The following ERG variants were observed in gnomAD, a reference collection of about 807,000 sequenced individuals.
ERG encodes the protein ETS transcription factor ERG, also known as transcriptional regulator ERG.
Under a neutral mutation model 55.3 loss-of-function variants are expected in ERG, and 9 were observed. The ratio of observed to expected loss-of-function variants is 0.16; its 90% CI spans 0.10 to 0.28. The LOEUF is 0.28. Ranked by LOEUF, ERG falls within the 10% of genes least tolerant of loss-of-function variation. The pLI is 1.00. For synonymous variants in ERG, 223 were observed against 237.3 expected, an observed-to-expected ratio of 0.94 and a Z score of 0.55; for missense variants, 434 against 631.6, an observed-to-expected ratio of 0.69 and a Z score of 3.35.
chr21:38,575,839 C>A, intron 1 of ERG: 1 of 926,320 alleles, frequency 1.1e-6, no homozygotes, highest in Non-Finnish European at 1.7e-6. Flanking sequence ...TCACCAATGG[C>A]AAAAGAATCA....
intron 2 of ERG, among the ~76,000 whole-genome samples, chr21:38,530,349 T>A (rs1012278955): frequency 2.0e-5 from 3 of 152,178 alleles, no homozygotes; most frequent in African/African-American, 7.2e-5. Flanking sequence ...AGTGAGCCAC[T>A]GCGTCCAGCA....
intron 1 of ERG, among the ~76,000 whole-genome samples, chr21:38,613,784 T>G (rs1253624868): frequency 6.6e-6 from 1 of 152,144 alleles, no homozygotes; most frequent in Non-Finnish European, 1.5e-5. Flanking sequence ...CATGTGCAGT[T>G]AGCTTCCAAA....
intron 1 of ERG, among the ~76,000 whole-genome samples, chr21:38,590,505 T>C (rs1426890830): frequency 6.6e-6 from 1 of 152,246 alleles, no homozygotes; most frequent in Non-Finnish European, 1.5e-5. Context: ...TCACTGATAA[T>C]GTTGTCTTCT....
intron 1 of ERG, among the ~76,000 whole-genome samples, chr21:38,581,066 T>G (rs528606364): frequency 1.3e-5 from 2 of 152,284 alleles, no homozygotes; most frequent in South Asian, 4.1e-4. Flanking sequence ...CCCAAGAAGA[T>G]GAACTCCAGG....
chr21:38,400,287 C>T (rs1355738242), intron 6 of ERG: 3 of 520,486 alleles, frequency 5.8e-6, no homozygotes, highest in African/African-American at 1.9e-5. Flanking sequence ...GTTCAAAAGT[C>T]GGCCTATTCC....
intron 1 of ERG, among the ~76,000 whole-genome samples, chr21:38,451,480 A>G (rs1441769200): frequency 6.6e-6 from 1 of 152,250 alleles, no homozygotes; most frequent in African/African-American, 2.4e-5. Context: ...AAACTAGGAC[A>G]GGTAGGAGTA....
chr21:38,616,487 A>G (rs999688284), intron 1 of ERG, among the ~76,000 whole-genome samples: 2 of 152,132 alleles, frequency 1.3e-5, no homozygotes, highest in African/African-American at 4.8e-5. Flanking sequence ...AATAGATAAG[A>G]GGGACATTAG....
intron 2 of ERG, among the ~76,000 whole-genome samples, chr21:38,508,164 CAGG>C (rs1334743413): frequency 6.6e-6 from 1 of 151,696 alleles, no homozygotes; most frequent in African/African-American, 2.4e-5. Context: ...AGAGACAGAG[CAGG>C]AGGTCATCTG....
chr21:38,528,509 G>A (rs12626829), intron 2 of ERG, among the ~76,000 whole-genome samples: 5,420 of 34,804 alleles, frequency 0.16, 1,367 homozygotes, highest in East Asian at 0.29. Flanking sequence ...GTGCAGTGGC[G>A]GGATCTCGGC....
At chr21:38,586,065 T>C (rs2060062187), upstream of ERG, among the ~76,000 whole-genome samples, 1 of 151,918 alleles carries the variant, frequency 6.6e-6, no homozygotes, top group African/African-American at 2.4e-5. Flanking sequence ...CTTTCCAGTG[T>C]GAAATAGGAG....
At chr21:38,411,913 C>T (rs1288275508) in intron 3 of ERG, among the ~76,000 whole-genome samples, 2 of 152,164 alleles carry the variant, frequency 1.3e-5, no homozygotes, top group Non-Finnish European at 2.9e-5. Flanking sequence ...ATATATTTGT[C>T]ATGAATTTAG....
At chr21:38,615,302 A>C (rs573737820) in intron 1 of ERG, among the ~76,000 whole-genome samples, 2 of 152,294 alleles carry the variant, frequency 1.3e-5, no homozygotes, top group South Asian at 4.1e-4. Flanking sequence ...TATAAAATAA[A>C]TGGGGAGATG....
intron 2 of ERG, among the ~76,000 whole-genome samples, chr21:38,527,596 T>G (rs1180411198): frequency 1.3e-5 from 2 of 152,298 alleles, no homozygotes; most frequent in Non-Finnish European, 2.9e-5. Flanking sequence ...TGCAGTTTTC[T>G]GCCTCTGATC....
chr21:38,420,379 T>C (rs1305643066), intron 3 of ERG, among the ~76,000 whole-genome samples: 1 of 152,090 alleles, frequency 6.6e-6, no homozygotes, highest in African/African-American at 2.4e-5. Flanking sequence ...ACTGAAAGAC[T>C]CACAACTTGC....
chr21:38,540,395 C>A (rs750159737), intron 2 of ERG, among the ~76,000 whole-genome samples: 2 of 152,186 alleles, frequency 1.3e-5, no homozygotes, highest in Non-Finnish European at 2.9e-5. Flanking sequence ...CACATCACCC[C>A]TCTTCCTAGT....
chr21:38,436,775 CAT>C (rs1160986342), intron 2 of ERG, among the ~76,000 whole-genome samples: 3 of 152,212 alleles, frequency 2.0e-5, no homozygotes, highest in African/African-American at 7.2e-5. Context: ...ATGGTACCCT[CAT>C]ATCTGTTATT....
In ERG at chr21:38,518,236, GTATCTATCTATCTATC is replaced by G. The variant is rs71330332; in HGVS notation, c.-41+57410_-41+57425del. Among the ~76,000 whole-genome samples the G allele has an allele frequency of 6.0e-3, 880 of 145,472 alleles. 3 individuals carry two copies. The highest frequency in any genetic ancestry group is 0.013 in the African/African-American group (509 of 39,146). ...GTACCCCATAACTATGTGTGTGTGTGTATCTATCTATCTATCTATCTATCTATCTATCTATCTATCT... is the reference window on the plus strand; with the variant it reads ...GTACCCCATAACTATGTGTGTGTGTGTATCTATCTATCTATCTATCTATCT... On this transcript the variant is annotated intron_variant, in intron 2 of 8. Transcript: ENST00000398897.
At chr21:38,576,653 C>T (rs188568811) in intron 1 of ERG, among the ~76,000 whole-genome samples, 1 of 152,298 alleles carries the variant, frequency 6.6e-6, no homozygotes, top group Non-Finnish European at 1.5e-5. Flanking sequence ...CCTCCCTTTG[C>T]TGTCACAGGC....
intron 1 of ERG, among the ~76,000 whole-genome samples, chr21:38,472,904 G>GC (rs1463773244): frequency 8.5e-5 from 13 of 152,164 alleles, no homozygotes; most frequent in African/African-American, 3.1e-4. Context: ...ATTTCAAGGA[G>GC]CCCCAGCAGG....
Sources: gnomAD v4.1 joint callset for allele counts (sites outside exome capture counted in the v4.1 genomes callset) on GRCh38, gnomAD v4.1.1 for gene constraint, MANE v1.5 for transcripts, NCBI Gene and HGNC (gene_info 2026-07-23, HGNC 2026-07-21) for gene names.